Variants in FOXP1 observed in about 807,000 individuals in gnomAD.
The protein encoded by FOXP1 is forkhead box P1.
In FOXP1, 15 loss-of-function variants were observed where a neutral mutation model predicts 98.2. The observed-to-expected ratio is 0.15, with a 90% CI of 0.10 to 0.24. FOXP1 has a LOEUF of 0.24. FOXP1 is among the 10% of genes least tolerant of loss of function. The probability of loss-of-function intolerance (pLI) is 1.00; values close to 1 mark genes in which losing one functional copy is unlikely to be tolerated. For missense variants in FOXP1, 633 were observed against 848.5 expected (o/e 0.75, Z 3.15); for synonymous variants, 371 against 314.5 (o/e 1.18, Z -1.90).
intron 5 of FOXP1, among the ~76,000 whole-genome samples, chr3:71,256,582 C>T (rs2068645590): frequency 6.6e-6 from 1 of 152,136 alleles, no homozygotes; most frequent in African/African-American, 2.4e-5. Flanking sequence ...TGGGGATTCA[C>T]CATGTTGGCC....
At chr3:71,362,965 A>C (rs1042674222) in intron 3 of FOXP1, among the ~76,000 whole-genome samples, 1 of 152,130 alleles carries the variant, frequency 6.6e-6, no homozygotes, top group African/African-American at 2.4e-5. Flanking sequence ...AGTGTTTTTT[A>C]ATGTCTTCTT....
intron 6 of FOXP1, among the ~76,000 whole-genome samples, chr3:71,126,178 G>A (rs2059155640): frequency 1.3e-5 from 2 of 152,138 alleles, no homozygotes; most frequent in Admixed American, 6.5e-5. Flanking sequence ...AGCATTTGGG[G>A]ATATGATTAA....
intron 3 of FOXP1, among the ~76,000 whole-genome samples, chr3:71,434,485 A>G (rs145674499): frequency 1.3e-5 from 2 of 152,292 alleles, no homozygotes; most frequent in African/African-American, 4.8e-5. Flanking sequence ...CTTACGTTTT[A>G]AAAGTTTTAT....
At chr3:71,297,905 C>A (rs920912929) in intron 5 of FOXP1, among the ~76,000 whole-genome samples, 1 of 152,218 alleles carries the variant, frequency 6.6e-6, no homozygotes, top group South Asian at 2.1e-4. Flanking sequence ...CCATGCCTGG[C>A]CTGTTTAATC....
chr3:71,293,239 A>G (rs970183604), intron 5 of FOXP1, among the ~76,000 whole-genome samples: 7 of 152,200 alleles, frequency 4.6e-5, no homozygotes, highest in African/African-American at 1.7e-4. Flanking sequence ...TGTGTTCCTA[A>G]AATGCTCAAG....
At position 71,301,325 on chromosome 3, in the gene FOXP1, G is replaced by A. The variant is rs142554897; in HGVS notation, c.-72-1445C>T. Among the ~76,000 whole-genome samples, 295 of 152,248 alleles carry A rather than the reference G, an allele frequency of 1.9e-3. 1 individual carries two copies. Among genetic ancestry groups the A allele is most frequent in the Non-Finnish European group, 3.5e-3 (241 of 68,008 alleles). ...TAGTGAGAAGTCTATTTCAGGGCAA[G>A]CAACGATAAGAAAGAAAAACAGAGC... On this transcript the variant is annotated intron_variant, in intron 4 of 20. Transcript: ENST00000649528.
chr3:71,419,234 C>CAAA (rs36072859), intron 3 of FOXP1, among the ~76,000 whole-genome samples: 13 of 47,830 alleles, frequency 2.7e-4, no homozygotes, highest in Admixed American at 7.8e-4. Flanking sequence ...GACTCCATCT[C>CAAA]AAAAAAAAAA....
At chr3:71,345,393 TATATACACAC>T (rs1310140097) in intron 4 of FOXP1, among the ~76,000 whole-genome samples, 1 of 48,498 alleles carries the variant, frequency 2.1e-5, no homozygotes, top group African/African-American at 5.1e-5. Context: ...GTCTCAAATA[TATATACACAC>T]ACACACACAC....
chr3:71,002,435 T>A (rs1316502440), intron 12 of FOXP1, among the ~76,000 whole-genome samples: 1 of 152,178 alleles, frequency 6.6e-6, no homozygotes, highest in Non-Finnish European at 1.5e-5. Context: ...ATGACTATGG[T>A]GTATTCTGTT....
intron 3 of FOXP1, among the ~76,000 whole-genome samples, chr3:71,468,084 C>T (rs768142445): frequency 4.0e-5 from 6 of 151,836 alleles, no homozygotes; most frequent in African/African-American, 7.3e-5. Flanking sequence ...TCCAACAGTC[C>T]TCATTAGGTG....
At chr3:70,959,474 A>T (rs2032686775) in intron 20 of FOXP1, 83 bp from the exon 21 acceptor site, 1 of 1,481,802 alleles carries the variant, frequency 6.7e-7, no homozygotes, top group African/African-American at 1.4e-5. Context: ...GGGGCAACAG[A>T]AAAGCCGCAC....
intron 12 of FOXP1, among the ~76,000 whole-genome samples, chr3:71,006,355 C>T (rs535287474): frequency 6.6e-6 from 1 of 152,198 alleles, no homozygotes; most frequent in East Asian, 1.9e-4. Flanking sequence ...ATGATCTCAT[C>T]TTTCATCCTG....
rs747108471 is a variant in FOXP1, at chr3:71,053,735, G to A, written c.321C>T (p.Ile107=). 5 of 1,613,932 alleles carry A rather than the reference G, an allele frequency of 3.1e-6. No individual in the cohort carries two copies. The highest frequency in any genetic ancestry group is 1.6e-4 in the Middle Eastern group (1 of 6,084). ...VSVAMMTPQV[I]TPQQMQQILQ... The stretch of plus-strand genomic sequence containing the variant: ...GGATCTGCTGCATTTGCTGGGGAGT[G>A]ATAACTTGAGGTGTCATCATAGCCA... Residue 107 remains isoleucine, a synonymous_variant, in exon 8 of 21, where the codon ATC becomes ATT. Coordinates refer to ENST00000649528, the MANE Select transcript of FOXP1 (RefSeq NM_001349338.3).
intron 12 of FOXP1, among the ~76,000 whole-genome samples, chr3:71,003,234 T>G (rs149748834): frequency 6.6e-6 from 1 of 152,310 alleles, no homozygotes; most frequent in Non-Finnish European, 1.5e-5. Context: ...CCGCTAGCAG[T>G]GGATCTACAA....
rs2079483379 is a variant in FOXP1 at position 71,373,368 on chromosome 3, T to C, written c.-167-14124A>G. Among the ~76,000 whole-genome samples, 3 of 152,202 alleles carry C rather than the reference T, an allele frequency of 2.0e-5. No individual in the cohort carries two copies. The South Asian group carries it at 6.2e-4, about 31-fold the overall frequency. Reference sequence around the variant, plus strand: ...AGTAGAATTTTAACACAACTTGTCATAAAAGCTGACACTAGTACACTGGAG... The same window carrying C: ...AGTAGAATTTTAACACAACTTGTCACAAAAGCTGACACTAGTACACTGGAG... On this transcript the variant is annotated intron_variant, in intron 3 of 20. Coordinates refer to ENST00000649528, the MANE Select transcript of FOXP1 (RefSeq NM_001349338.3).
chr3:71,156,390 C>T (rs191141778), intron 6 of FOXP1, among the ~76,000 whole-genome samples: 1 of 152,260 alleles, frequency 6.6e-6, no homozygotes, highest in Admixed American at 6.5e-5. Flanking sequence ...GCCTCAAAGG[C>T]CTTAATTCAG....
chr3:70,971,066 C>T, intron 18 of FOXP1: 3 of 455,112 alleles, frequency 6.6e-6, no homozygotes, highest in Non-Finnish European at 1.2e-5. Context: ...GTCCTCCCTC[C>T]AGAGACCTCT....
rs534006665 is a variant in FOXP1 at position 71,261,407 on chromosome 3, TA to T, written c.-12+38412del. 4.7e-3 allele frequency among the ~76,000 whole-genome samples: 700 copies of T among 149,474 alleles called. 3 individuals are homozygous for T. The highest frequency in any genetic ancestry group is 0.014 in the African/African-American group (587 of 40,826). ...TGTATTATTTTCATATATTTAAATT[TA>T]AAAAAAAAACATAAAATTGAGCAAA... is the stretch of plus-strand genomic sequence containing the variant. On this transcript the variant is annotated intron_variant, in intron 5 of 20. Transcript: ENST00000649528.
intron 3 of FOXP1, among the ~76,000 whole-genome samples, chr3:71,484,296 CA>C (rs1190513294): frequency 6.6e-6 from 1 of 152,160 alleles, no homozygotes; most frequent in Admixed American, 6.5e-5. Context: ...TGTCAACTCT[CA>C]TACACTTTGA....
Sources: allele counts gnomAD v4.1 joint callset (sites outside exome capture counted in the v4.1 genomes callset), GRCh38; gene constraint gnomAD v4.1.1; transcripts MANE v1.5; gene names NCBI Gene and HGNC (gene_info 2026-07-23, HGNC 2026-07-21).